Variants in STK24 observed in about 807,000 individuals in gnomAD.
The protein encoded by STK24 is serine/threonine kinase 24.
A neutral mutation model predicts 55.6 loss-of-function variants in STK24; 21 were observed. That is an observed-to-expected ratio of 0.38 (90% CI 0.27 to 0.54). The LOEUF (loss-of-function observed/expected upper bound fraction) is 0.54, where lower values mean the gene tolerates loss of function less well. Among genes scored for constraint, STK24 ranks in the 20% least tolerant of loss-of-function variants. STK24 has a pLI of 0.79. For missense variants in STK24, 383 were observed against 538.4 expected (o/e 0.71, Z 2.86); for synonymous variants, 200 against 215.2 (o/e 0.93, Z 0.62).
intron 6 of STK24, 88 bp from the exon 7 acceptor site, chr13:98,463,924 G>A (rs915906588): frequency 1.4e-5 from 20 of 1,446,366 alleles, no homozygotes; most frequent in African/African-American, 4.2e-5. Context: ...AATGTCAACC[G>A]CCACACTGAC....
At chr13:98,503,652 C>G (rs1895575567) in intron 2 of STK24, among the ~76,000 whole-genome samples, 1 of 152,214 alleles carries the variant, frequency 6.6e-6, no homozygotes, top group Non-Finnish European at 1.5e-5. Flanking sequence ...CTAATACAGC[C>G]ACACTAGGCA....
At position 98,457,541 on chromosome 13, in the gene STK24, C is replaced by T. The variant is rs545157477; in HGVS notation, c.1123-237G>A. On this transcript the variant is annotated intron_variant, in intron 9 of 10. Transcript: ENST00000539966. Reference sequence around the variant, plus strand: ...CTGGAGTACAGTGGCGTGATCTCAGCTCACTGCAACCTCCGCCTCCTGGGT... The same window carrying T: ...CTGGAGTACAGTGGCGTGATCTCAGTTCACTGCAACCTCCGCCTCCTGGGT... Among the ~76,000 whole-genome samples the T allele has an allele frequency of 2.7e-4, 41 of 149,404 alleles. No homozygotes were observed. In the South Asian group the frequency reaches 8.2e-3, roughly 30 times the overall value.
rs549040576 is a variant in STK24, at chr13:98,466,447, T to C, written c.712A>G (p.Thr238Ala). The C allele has an allele frequency of 1.9e-6, 3 of 1,613,898 alleles. No homozygotes were observed. The South Asian group carries it at 3.3e-5, about 18-fold the overall frequency. ...LFLIPKNNPP[T>A]LEGNYSKPLK... ...GGTTTACTGTAGTTTCCTTCCAACG[T>C]CGGTGGGTTGTTCTTTGGAATGAGG... The change falls in exon 6 of 11, where the codon ACG (threonine) becomes GCG (alanine). Residue 238 changes from threonine to alanine, a missense_variant. Physicochemically the swap from Thr to Ala is moderately conservative, Grantham distance 58. Coordinates refer to ENST00000539966, the MANE Select transcript of STK24 (RefSeq NM_001032296.4).
In STK24 at chr13:98,522,885, G is replaced by A. The variant is rs150182354; in HGVS notation, c.43-3412C>T. Among the ~76,000 whole-genome samples the A allele has an allele frequency of 1.4e-3, 211 of 152,318 alleles. 1 individual carries two copies. The highest frequency in any genetic ancestry group is 2.4e-3 in the Non-Finnish European group (160 of 68,020). Reference sequence around the variant, plus strand: ...ATCCTACACACAGACAGGGGGTCCTGGAGGGAAGGGGAAAGCCCTTCCTGC... The same window carrying A: ...ATCCTACACACAGACAGGGGGTCCTAGAGGGAAGGGGAAAGCCCTTCCTGC... On this transcript the variant is annotated intron_variant, in intron 1 of 10. Transcript: ENST00000539966.
At chr13:98,469,543 C>CA (rs1555302519) in intron 5 of STK24, among the ~76,000 whole-genome samples, 1 of 136,242 alleles carries the variant, frequency 7.3e-6, no homozygotes, top group Non-Finnish European at 1.7e-5. Context: ...ATCCCCCCCC[C>CA]CAAAAAAAAA....
At chr13:98,537,123 G>A (rs1031218151) in intron 1 of STK24, among the ~76,000 whole-genome samples, 3 of 152,186 alleles carry the variant, frequency 2.0e-5, no homozygotes, top group African/African-American at 7.2e-5. Flanking sequence ...TCAAGCCAGC[G>A]TTCTTCAGCC....
intron 2 of STK24, among the ~76,000 whole-genome samples, chr13:98,486,494 C>T (rs143907110): frequency 4.7e-4 from 72 of 152,322 alleles, no homozygotes; most frequent in African/African-American, 1.6e-3. Context: ...GCAGGCAAGG[C>T]TCTCCTTCAC....
chr13:98,478,102 C>T (rs1326138286), intron 3 of STK24, among the ~76,000 whole-genome samples: 7 of 152,220 alleles, frequency 4.6e-5, no homozygotes, highest in Non-Finnish European at 1.0e-4. Flanking sequence ...CTGTCTACCC[C>T]CCAGAGTGCC....
intron 2 of STK24, among the ~76,000 whole-genome samples, chr13:98,484,667 A>G (rs1391503766): frequency 1.3e-5 from 2 of 152,176 alleles, no homozygotes; most frequent in Non-Finnish European, 2.9e-5. Flanking sequence ...TTGCCAAGCA[A>G]ACAAGATAAG....
intron 9 of STK24, among the ~76,000 whole-genome samples, chr13:98,458,094 A>C (rs1566342817): frequency 6.6e-6 from 1 of 152,196 alleles, no homozygotes; most frequent in Non-Finnish European, 1.5e-5. Context: ...AAAATATTTG[A>C]TTTCATGTAA....
chr13:98,501,337 A>G (rs1594616420), intron 2 of STK24, among the ~76,000 whole-genome samples: 1 of 152,138 alleles, frequency 6.6e-6, no homozygotes, highest in African/African-American at 2.4e-5. Context: ...GCAAGGCCCA[A>G]TCCTCCTCTT....
chr13:98,475,121 G>C (rs1894315285), intron 4 of STK24, 129 bp downstream of exon 4: 1 of 1,406,858 alleles, frequency 7.1e-7, no homozygotes, highest in Non-Finnish European at 9.5e-7. Context: ...CCCCCTCAAA[G>C]CCAGCCCAGC....
intron 1 of STK24, among the ~76,000 whole-genome samples, chr13:98,574,697 ACT>A (rs1448344608): frequency 6.6e-5 from 10 of 152,236 alleles, no homozygotes; most frequent in African/African-American, 2.4e-5. Flanking sequence ...CATCTTTTCC[ACT>A]GAGAAACACT....
At chr13:98,529,256 C>G (rs1453919528) in intron 1 of STK24, among the ~76,000 whole-genome samples, 1 of 152,128 alleles carries the variant, frequency 6.6e-6, no homozygotes, top group Non-Finnish European at 1.5e-5. Context: ...ACCCCCATTC[C>G]TCTCTCACCC....
intron 1 of STK24, chr13:98,522,070 C>A: frequency 1.5e-6 from 2 of 1,378,974 alleles, no homozygotes; most frequent in Non-Finnish European, 1.9e-6. Context: ...GTCCTCCCCA[C>A]CACTGCAGCC....
At chr13:98,480,515 A>T (rs1326609919) in intron 3 of STK24, among the ~76,000 whole-genome samples, 1 of 152,224 alleles carries the variant, frequency 6.6e-6, no homozygotes, top group Non-Finnish European at 1.5e-5. Context: ...TTGTAAAAGT[A>T]ATCCCACTAC....
At position 98,447,157 on chromosome 13, in the gene STK24, C is replaced by CAAGA. The variant is rs555508583; in HGVS notation, c.*6012_*6015dup. 4.0e-4 allele frequency: 85 copies of CAAGA among 212,522 alleles called. 2 individuals carry two copies. In the East Asian group the frequency reaches 9.4e-3, roughly 24 times the overall value. The allele number at this position is 212,522 out of a possible 1,614,324, so 13.2% of individuals were successfully genotyped here. On this transcript the variant is annotated 3_prime_UTR_variant, in exon 11 of 11. Transcript: ENST00000539966. Reference sequence around the variant, plus strand: ...GCAGGGACTGCAGACTTCATTTAGCCAAGAAAGAAATGCAACAGTCAGGCC... The same window carrying CAAGA: ...GCAGGGACTGCAGACTTCATTTAGCCAAGAAAGAAAGAAATGCAACAGTCAGGCC...
chr13:98,531,938 C>T (rs1237842420), intron 1 of STK24, among the ~76,000 whole-genome samples: 1 of 152,174 alleles, frequency 6.6e-6, no homozygotes, highest in South Asian at 2.1e-4. Context: ...CAGGGCCGAC[C>T]CTCCCTGCTG....
intron 1 of STK24, among the ~76,000 whole-genome samples, chr13:98,534,932 G>C (rs1243987964): frequency 1.3e-5 from 2 of 152,196 alleles, no homozygotes; most frequent in African/African-American, 2.4e-5. Context: ...TTTGTCTATT[G>C]CAATTCCCCT....
Sources: gnomAD v4.1 joint callset for allele counts (sites outside exome capture counted in the v4.1 genomes callset) on GRCh38, gnomAD v4.1.1 for gene constraint, MANE v1.5 for transcripts, NCBI Gene and HGNC (gene_info 2026-07-23, HGNC 2026-07-21) for gene names.